Variants in SLC22A2 observed in about 807,000 individuals in gnomAD.
The protein encoded by SLC22A2 is solute carrier family 22 member 2.
Under a neutral mutation model 60.5 loss-of-function variants are expected in SLC22A2, and 46 were observed. The ratio of observed to expected loss-of-function variants is 0.76; its 90% CI spans 0.60 to 0.97. The LOEUF is 0.97. SLC22A2 is among the 50% of genes least tolerant of loss of function. SLC22A2 has a pLI of 0.00. For synonymous variants in SLC22A2, 303 were observed against 267.0 expected (o/e 1.13, Z -1.31); for missense variants, 701 against 706.6 (o/e 0.99, Z 0.09).
At chr6:160,249,467 C>T (rs1783150049) in intron 3 of SLC22A2, 83 bp from the exon 4 acceptor site, 1 of 959,716 alleles carries the variant, frequency 1.0e-6, no homozygotes, top group Admixed American at 2.3e-5. Context: ...AGAACACCAA[C>T]CTCAAAAATA....
At position 160,245,513 on chromosome 6, in the gene SLC22A2, T is replaced by C. The variant is rs1783077092; in HGVS notation, c.990A>G (p.Lys330=). ...RLRLEEETGK[K]LNPSFLDLVR... ...CCAAGTCAAGAAATGAAGGGTTCAATTTCTTGCCAGTTTCCTCTTCAAGTC... is the reference window on the plus strand; with the variant it reads ...CCAAGTCAAGAAATGAAGGGTTCAACTTCTTGCCAGTTTCCTCTTCAAGTC... The change falls in exon 6 of 11, where the codon AAA becomes AAG. Residue 330 remains lysine, a synonymous_variant. Transcript: ENST00000366953. 1.2e-6 allele frequency: 2 copies of C among 1,611,336 alleles called. No homozygotes were observed. Among genetic ancestry groups the C allele is most frequent in the Non-Finnish European group, 1.7e-6 (2 of 1,178,490 alleles).
intron 9 of SLC22A2, 29 bp from the exon 10 acceptor site, chr6:160,224,833 T>C (rs777226340): frequency 1.6e-5 from 22 of 1,340,200 alleles, no homozygotes; most frequent in Admixed American, 4.3e-5. Context: ...AATATCACAT[T>C]AAGAACTGAA....
intron 9 of SLC22A2, among the ~76,000 whole-genome samples, chr6:160,231,483 A>G (rs1212647507): frequency 6.6e-6 from 1 of 151,780 alleles, no homozygotes; most frequent in African/African-American, 2.4e-5. Context: ...CTCAGCGCCA[A>G]TATCTCATCC....
intron 9 of SLC22A2, among the ~76,000 whole-genome samples, chr6:160,225,326 T>C (rs1782706403): frequency 6.6e-6 from 1 of 152,220 alleles, no homozygotes; most frequent in African/African-American, 2.4e-5. Flanking sequence ...CTAGCTATAA[T>C]CTTTAATAAT....
At chr6:160,245,697 T>TC (rs1464163357) in intron 5 of SLC22A2, 152 bp from the exon 6 acceptor site, 14 of 331,050 alleles carry the variant, frequency 4.2e-5, no homozygotes, top group Admixed American at 1.0e-4. Context: ...CCATTTCATT[T>TC]TTTTTTTTTT....
intron 5 of SLC22A2, among the ~76,000 whole-genome samples, 195 bp downstream of exon 5, chr6:160,246,989 C>G (rs1053416414): frequency 2.6e-5 from 4 of 152,158 alleles, no homozygotes; most frequent in African/African-American, 9.7e-5. Flanking sequence ...TGGTTTCCAC[C>G]TGTTTGAAAT....
intron 2 of SLC22A2, among the ~76,000 whole-genome samples, chr6:160,254,050 G>C (rs1246770875): frequency 6.6e-6 from 1 of 152,150 alleles, no homozygotes; most frequent in East Asian, 1.9e-4. Context: ...GGTCAAGGAG[G>C]GCAGATCACC....
At chr6:160,218,885 G>GCAA (rs1782589312) in intron 10 of SLC22A2, among the ~76,000 whole-genome samples, 1 of 2,170 alleles carries the variant, frequency 4.6e-4, no homozygotes, top group African/African-American at 3.7e-3. Flanking sequence ...AAAATCAGCA[G>GCAA]TAGCAACAAC....
chr6:160,238,756 C>G (rs1782952411), intron 9 of SLC22A2, among the ~76,000 whole-genome samples: 1 of 152,106 alleles, frequency 6.6e-6, no homozygotes. Flanking sequence ...TTAGAATTGT[C>G]TTTGAGTTTA....
chr6:160,228,061 C>T (rs1782755275), intron 9 of SLC22A2, among the ~76,000 whole-genome samples: 1 of 152,270 alleles, frequency 6.6e-6, no homozygotes, highest in Admixed American at 6.5e-5. Context: ...GCCCTCAGGG[C>T]TGCTCTGCCT....
rs761361892 is a variant in SLC22A2 at position 160,247,259 on chromosome 6, A to C, written c.882T>G (p.Asn294Lys). 1.2e-6 allele frequency: 2 copies of C among 1,613,466 alleles called. No homozygotes were observed. Among genetic ancestry groups the C allele is most frequent in the African/African-American group, 2.7e-5 (2 of 74,886 alleles). Reference sequence around the variant, plus strand: ...TGATTCTCATGGCTTCAGCATTCTTATTCTGGGAGATCAGCCACCTGGGAG... The same window carrying C: ...TGATTCTCATGGCTTCAGCATTCTTCTTCTGGGAGATCAGCCACCTGGGAG... Reference protein sequence around the residue: ...PESPRWLISQNKNAEAMRIIK... With the variant: ...PESPRWLISQKKNAEAMRIIK... Residue 294 changes from asparagine to lysine, a missense_variant, in exon 5 of 11, where the codon AAT (asparagine) becomes AAG (lysine). Physicochemically the swap from Asn to Lys is moderately conservative, Grantham distance 94. Coordinates refer to ENST00000366953, the MANE Select transcript of SLC22A2 (RefSeq NM_003058.4).
In SLC22A2 at chr6:160,217,178, A is replaced by G. The variant is rs992074551; in HGVS notation, c.*254T>C. 4.2e-5 allele frequency: 15 copies of G among 357,274 alleles called. No homozygotes were observed. The highest frequency in any genetic ancestry group is 7.2e-4 in the Middle Eastern group (1 of 1,396). 22.1% of individuals were successfully genotyped at this position (357,274 alleles called of 1,614,324 possible). A position where few individuals can be genotyped will look rare whatever the true frequency, so the allele number is the denominator to read the frequency against. ...AAAAAAATACAAAGATGGAAAAAAA[A>G]CCCTCCAGAAAACCAATGTCCAATG... On this transcript the variant is annotated 3_prime_UTR_variant, in exon 11 of 11. Transcript: ENST00000366953.
chr6:160,220,773 A>G (rs2114848166), intron 10 of SLC22A2, among the ~76,000 whole-genome samples: 1 of 152,310 alleles, frequency 6.6e-6, no homozygotes, highest in South Asian at 2.1e-4. Context: ...GTCAATGAGC[A>G]GTAATCTTTT....
intron 9 of SLC22A2, among the ~76,000 whole-genome samples, chr6:160,241,027 AC>A (rs1224454642): frequency 1.4e-5 from 2 of 142,110 alleles, no homozygotes; most frequent in African/African-American, 5.2e-5. Flanking sequence ...CAAAATTTTA[AC>A]CCCCTTCTTT....
intron 6 of SLC22A2, 115 bp downstream of exon 6, chr6:160,245,324 C>G (rs617217): frequency 0.75 from 423,015 of 560,706 alleles, 163,566 homozygotes; most frequent in Admixed American, 0.83. Context: ...ACCCACATTG[C>G]TGCCCACCGT....
At position 160,258,373 on chromosome 6, in the gene SLC22A2, C is replaced by G. The variant is rs1188532450; in HGVS notation, c.385G>C (p.Glu129Gln). 25 of 1,612,964 alleles carry G rather than the reference C, an allele frequency of 1.5e-5. No individual in the cohort carries two copies. The highest frequency in any genetic ancestry group is 2.0e-5 in the Non-Finnish European group (24 of 1,179,586). Residue 129 changes from glutamate (E) to glutamine (Q), a missense_variant, in exon 1 of 11, where the codon GAG (glutamate) becomes CAG (glutamine). Physicochemically the swap from Glu to Gln is conservative, Grantham distance 29 (BLOSUM62 2). Coordinates refer to ENST00000366953, the MANE Select transcript of SLC22A2 (RefSeq NM_003058.4). Reference protein sequence around the residue: ...LGPCRDGWVYETPGSSIVTEF... With the variant: ...LGPCRDGWVYQTPGSSIVTEF... ...GTGACGATGGACGAGCCAGGCGTCTCGTACACCCAGCCGTCCCGGCAGGGG... is the reference window on the plus strand; with the variant it reads ...GTGACGATGGACGAGCCAGGCGTCTGGTACACCCAGCCGTCCCGGCAGGGG...
intron 2 of SLC22A2, among the ~76,000 whole-genome samples, chr6:160,252,059 C>T (rs1364601739): frequency 6.6e-6 from 1 of 152,098 alleles, no homozygotes; most frequent in East Asian, 1.9e-4. Flanking sequence ...GTTTGCTGTA[C>T]CTATCAACCC....
intron 3 of SLC22A2, among the ~76,000 whole-genome samples, chr6:160,249,910 G>C (rs564253889): frequency 7.4e-4 from 112 of 152,352 alleles, no homozygotes; most frequent in African/African-American, 2.6e-3. Flanking sequence ...ACATGCTGGG[G>C]AATTTTACAA....
chr6:160,254,467 T>C (rs1783236895), intron 2 of SLC22A2, among the ~76,000 whole-genome samples: 1 of 152,210 alleles, frequency 6.6e-6, no homozygotes, highest in Non-Finnish European at 1.5e-5. Flanking sequence ...CCTTACTGTT[T>C]TTTTAAAAAA....
Sources: gnomAD v4.1 joint callset for allele counts (sites outside exome capture counted in the v4.1 genomes callset) on GRCh38, gnomAD v4.1.1 for gene constraint, MANE v1.5 for transcripts, NCBI Gene and HGNC (gene_info 2026-07-23, HGNC 2026-07-21) for gene names.